The following ANKMY1 variants were observed in gnomAD, a reference collection of about 807,000 sequenced individuals.
ANKMY1 encodes ankyrin repeat and MYND domain-containing protein 1.
Under a neutral mutation model 102.0 loss-of-function variants are expected in ANKMY1, and 98 were observed. The ratio of observed to expected loss-of-function variants is 0.96; its 90% CI spans 0.82 to 1.14. ANKMY1 has a LOEUF of 1.14. Among genes scored for constraint, ANKMY1 ranks in the 50% most tolerant of loss-of-function variants. The probability of loss-of-function intolerance (pLI) is 0.00; values close to 1 mark genes in which losing one functional copy is unlikely to be tolerated. For synonymous variants in ANKMY1, 582 were observed against 559.9 expected (o/e 1.04, Z -0.56); for missense variants, 1,330 against 1,347.6 (o/e 0.99, Z 0.20).
At chr2:240,544,129 G>A (rs1324888028) in intron 4 of ANKMY1, among the ~76,000 whole-genome samples, 1 of 152,100 alleles carries the variant, frequency 6.6e-6, no homozygotes, top group Non-Finnish European at 1.5e-5. Context: ...AGTAAGTAGG[G>A]GAAAGAGATG....
rs2079035444 is a variant in ANKMY1 at position 240,506,155 on chromosome 2, G to A, written c.2526+1405C>T. Among the ~76,000 whole-genome samples the A allele has an allele frequency of 6.6e-6, 1 of 152,102 alleles. No homozygotes were observed. Among genetic ancestry groups the A allele is most frequent in the Admixed American group, 6.5e-5 (1 of 15,284 alleles). Reference sequence around the variant, plus strand: ...GCCCCCTAACCCCGGATGAGGCGCTGGGAGCCCCCAACCCCGGACGAAGGA... The same window carrying A: ...GCCCCCTAACCCCGGATGAGGCGCTAGGAGCCCCCAACCCCGGACGAAGGA... On this transcript the variant is annotated intron_variant, in intron 13 of 17. Transcript: ENST00000401804. This position sits in a 1 kb window ranked among gnomAD's most constrained non-coding sequence, Gnocchi z 4.9.
the ANKMY1 span, among the ~76,000 whole-genome samples, chr2:240,472,002 G>A: frequency 6.6e-6 from 1 of 152,100 alleles, no homozygotes; most frequent in Non-Finnish European, 1.5e-5. Flanking sequence ...AAATAGCCCT[G>A]TAAGTCAGCT....
rs766119843 is a variant in ANKMY1 at position 240,552,897 on chromosome 2, C to T, written c.480+17G>A. 9 of 1,613,370 alleles carry T rather than the reference C, an allele frequency of 5.6e-6. No homozygotes were observed. The Admixed American group carries it at 1.5e-4, about 27-fold the overall frequency. ...CAGCCACTTCGACCCCAGCTGAACA[C>T]ATGGCAGCCCCCTCACCTGGAAAAG... is the stretch of plus-strand genomic sequence containing the variant. On this transcript the variant is annotated intron_variant, in intron 4 of 17. Transcript: ENST00000401804.
intron 11 of ANKMY1, among the ~76,000 whole-genome samples, 180 bp downstream of exon 11, chr2:240,511,681 C>T (rs1476883022): frequency 6.6e-6 from 1 of 152,252 alleles, no homozygotes; most frequent in Non-Finnish European, 1.5e-5. Context: ...TGCGTGTGTG[C>T]ATGTGAGTGG....
intron 4 of ANKMY1, among the ~76,000 whole-genome samples, chr2:240,546,972 G>T (rs1339638274): frequency 6.6e-6 from 1 of 152,040 alleles, no homozygotes; most frequent in Admixed American, 6.6e-5. Context: ...AGTCAACAAG[G>T]ATACCCAGGA....
In ANKMY1 at chr2:240,520,647, G is replaced by A; in HGVS notation, c.1833-114C>T. On this transcript the variant is annotated intron_variant, in intron 8 of 17. Coordinates refer to ENST00000401804, the MANE Select transcript of ANKMY1 (RefSeq NM_001282771.3). The surrounding 1 kb of genome is among the most constrained non-coding windows in gnomAD (Gnocchi z 4.8). ...AGGGGCGCGTAGGGAGTATGTGTGT[G>A]CCGCAACTACACAATCACACACACA... The A allele has an allele frequency of 7.7e-7, 1 of 1,292,530 alleles. No individual in the cohort carries two copies. The highest frequency in any genetic ancestry group is 1.0e-6 in the Non-Finnish European group (1 of 960,778). 80.1% of individuals were successfully genotyped at this position (1,292,530 alleles called of 1,614,324 possible).
chr2:240,501,162 T>C (rs1413661288), intron 13 of ANKMY1, among the ~76,000 whole-genome samples: 2 of 151,562 alleles, frequency 1.3e-5, no homozygotes, highest in Non-Finnish European at 2.9e-5. Context: ...TGTGTGGATA[T>C]GTGCATGCAT....
Position 240,526,405 on chromosome 2 carries a change from G to C in ANKMY1, c.994C>G (p.Leu332Val), listed in dbSNP as rs779787450. The change falls in exon 6 of 18, where the codon CTG (leucine) becomes GTG (valine). Residue 332 changes from leucine (L) to valine (V), a missense_variant. Leu to Val is a conservative substitution (Grantham distance 32, BLOSUM62 1). Coordinates refer to ENST00000401804, the MANE Select transcript of ANKMY1 (RefSeq NM_001282771.3). ...AHTSWNMGAILEGKRSGFAPC... is the reference protein window; with the variant it reads ...AHTSWNMGAIVEGKRSGFAPC... ...GCAAAGCCACTGCGCTTCCCCTCCA[G>C]GATGGCGCCCATGTTCCAGCTGGTG... 2 of 1,614,180 alleles carry C rather than the reference G, an allele frequency of 1.2e-6. No individual in the cohort carries two copies. The highest frequency in any genetic ancestry group is 4.5e-5 in the East Asian group (2 of 44,882).
In ANKMY1 at chr2:240,525,798, C is replaced by T. The variant is rs567634073; in HGVS notation, c.1222G>A (p.Val408Met). 5.0e-6 allele frequency: 8 copies of T among 1,614,142 alleles called. No individual in the cohort carries two copies. The highest frequency in any genetic ancestry group is 2.2e-5 in the East Asian group (1 of 44,882). ...AGACCCTCATCTGAGCACTTGTTCA[C>T]GTCGGCCCCACAGTCCAGGAGAAGG... ...VNLLLDCGADVNKCSDEGLTA... is the reference protein window; with the variant it reads ...VNLLLDCGADMNKCSDEGLTA... The change falls in exon 7 of 18, where the codon GTG becomes ATG. Residue 408 changes from valine to methionine, a missense_variant. Val to Met is a conservative substitution (Grantham distance 21). Coordinates refer to ENST00000401804, the MANE Select transcript of ANKMY1 (RefSeq NM_001282771.3).
At chr2:240,471,881 T>C in the ANKMY1 span, among the ~76,000 whole-genome samples, 1 of 152,162 alleles carries the variant, frequency 6.6e-6, no homozygotes, top group East Asian at 1.9e-4. Context: ...ATGGCAGCCT[T>C]GTTTGGCTCT....
rs536562389 is a variant in ANKMY1 at position 240,506,809 on chromosome 2, G to A, written c.2526+751C>T. Among the ~76,000 whole-genome samples, 2 of 152,312 alleles carry A rather than the reference G, an allele frequency of 1.3e-5. No individual in the cohort carries two copies. On this transcript the variant is annotated intron_variant, in intron 13 of 17. Transcript: ENST00000401804. The surrounding 1 kb of genome is among the most constrained non-coding windows in gnomAD (Gnocchi z 4.9). ...CAGCAGGCAGCAGGGCACAGAGGGA[G>A]GCCCTGCCTGAGCCAAAGCCACTGA... is the stretch of plus-strand genomic sequence containing the variant.
In ANKMY1 at chr2:240,530,383, A is replaced by G. The variant is rs561772438; in HGVS notation, c.481-874T>C. On this transcript the variant is annotated intron_variant, in intron 4 of 17. Transcript: ENST00000401804. ...GGGGTGTGTCCTTCATGAACGGTTC[A>G]GCACCGTGCCCTTGGTGCTGCCCTC... Among the ~76,000 whole-genome samples, 9 of 152,250 alleles carry G rather than the reference A, an allele frequency of 5.9e-5. No homozygotes were observed. In the South Asian group the frequency reaches 1.7e-3, roughly 28 times the overall value.
At position 240,526,228 on chromosome 2, in the gene ANKMY1, C is replaced by T; in HGVS notation, c.1170+1G>A. ...ACCAGCTGGGAGGGTGTGGGGCTTA[C>T]AGCAGCCGCAGCAAGCACAGTGTAG... On this transcript the variant is annotated splice_donor_variant, in intron 6 of 17. Coordinates refer to ENST00000401804, the MANE Select transcript of ANKMY1 (RefSeq NM_001282771.3). LOFTEE classifies it high-confidence loss of function. 6.2e-7 allele frequency: 1 copy of T among 1,613,996 alleles called. No individual in the cohort carries two copies. Among genetic ancestry groups the T allele is most frequent in the East Asian group, 2.2e-5 (1 of 44,880 alleles).
intron 12 of ANKMY1, 110 bp from the exon 13 acceptor site, chr2:240,507,801 T>C: frequency 7.6e-7 from 1 of 1,324,472 alleles, no homozygotes; most frequent in Non-Finnish European, 1.0e-6. Context: ...AGCAGGGGCT[T>C]CACGGAGGCC....
chr2:240,482,908 TGTTGA>T (rs1379773455), intron 15 of ANKMY1, among the ~76,000 whole-genome samples: 4 of 152,204 alleles, frequency 2.6e-5, no homozygotes, highest in Admixed American at 6.5e-5. Flanking sequence ...TGACTATTAT[TGTTGA>T]GTTATCTGTT....
At chr2:240,498,737 G>A (rs1028587296) in intron 15 of ANKMY1, among the ~76,000 whole-genome samples, 11 of 152,100 alleles carry the variant, frequency 7.2e-5, no homozygotes, top group Non-Finnish European at 1.5e-4. Context: ...TGACTAGATC[G>A]TGGAGATGGA....
At chr2:240,521,318 T>C (rs1206592781) in intron 8 of ANKMY1, among the ~76,000 whole-genome samples, 2 of 152,046 alleles carry the variant, frequency 1.3e-5, no homozygotes, top group African/African-American at 4.8e-5. Flanking sequence ...CTCCAGACCC[T>C]GACCACTCGG....
chr2:240,488,595 C>T (rs1005854384), intron 15 of ANKMY1, among the ~76,000 whole-genome samples: 1 of 152,146 alleles, frequency 6.6e-6, no homozygotes, highest in Non-Finnish European at 1.5e-5. Context: ...TTCTTCCAAC[C>T]CATGAACATG....
chr2:240,515,884 A>AT (rs60607842), intron 9 of ANKMY1, among the ~76,000 whole-genome samples: 30,573 of 145,550 alleles, frequency 0.21, 3,749 homozygotes, highest in East Asian at 0.61. Context: ...TGCCCGGCTA[A>AT]TTTTTTTTTT....
Sources: allele counts gnomAD v4.1 joint callset (sites outside exome capture counted in the v4.1 genomes callset), GRCh38; gene constraint gnomAD v4.1.1; non-coding constraint Gnocchi (gnomAD v3.1); transcripts MANE v1.5; gene names NCBI Gene and HGNC (gene_info 2026-07-23, HGNC 2026-07-21).